Variants in TTC39B observed in about 807,000 individuals in gnomAD.
The protein encoded by TTC39B is tetratricopeptide repeat protein 39B.
Under a neutral mutation model 96.6 loss-of-function variants are expected in TTC39B, and 92 were observed. That is an observed-to-expected ratio of 0.95 (90% confidence interval 0.80 to 1.13). The LOEUF (loss-of-function observed/expected upper bound fraction) is 1.13. Ranked by LOEUF, TTC39B falls within the 50% of genes most tolerant of loss-of-function variation. The pLI, the probability that TTC39B is intolerant of heterozygous loss-of-function variation, is 0.00. For synonymous variants in TTC39B, 367 were observed against 299.4 expected, an observed-to-expected ratio of 1.23 and a Z score of -2.33; for missense variants, 955 against 809.3, an observed-to-expected ratio of 1.18 and a Z score of -2.18.
chr9:15,167,012 ATATATATATATATATATTTTTTTT>A (rs1194006187), exon 20 of TTC39B: 2 of 6,330 alleles, frequency 3.2e-4, no homozygotes, highest in Non-Finnish European at 5.3e-4. Flanking sequence ...ATATATATAT[ATATATATATATATATATTTTTTTT>A]TTTTTTTTTT....
At chr9:15,208,165 T>C (rs996946717) in intron 6 of TTC39B, among the ~76,000 whole-genome samples, 14 of 151,228 alleles carry the variant, frequency 9.3e-5, no homozygotes, top group African/African-American at 3.2e-4. Context: ...GCTGGGACTA[T>C]AGGTGTGCGC....
At chr9:15,271,239 G>C (rs1461361350) in intron 1 of TTC39B, among the ~76,000 whole-genome samples, 3 of 152,178 alleles carry the variant, frequency 2.0e-5, no homozygotes, top group East Asian at 1.9e-4. Context: ...CTCTAGAAGA[G>C]TGTATTTGTG....
At chr9:15,274,366 G>A (rs968055279) in intron 1 of TTC39B, among the ~76,000 whole-genome samples, 24 of 152,058 alleles carry the variant, frequency 1.6e-4, no homozygotes, top group African/African-American at 5.6e-4. Flanking sequence ...AAATCCCAAG[G>A]ACTACCAACT....
rs949519318 is a variant in TTC39B at position 15,257,936 on chromosome 9, G to A, written c.275+9978C>T. 8.5e-5 allele frequency among the ~76,000 whole-genome samples: 13 copies of A among 152,178 alleles called. No homozygotes were observed. The East Asian group carries it at 2.3e-3, about 27-fold the overall frequency. ...TAGCCGGGCACGGTGGCGGGCGCCT[G>A]TAATCCCAGCTACTCAGGAAGGCTG... On this transcript the variant is annotated intron_variant, in intron 2 of 19. Transcript: ENST00000512701.
rs949352654 is a variant in TTC39B, at chr9:15,306,920, C to T, written c.240+164G>A. Among the ~76,000 whole-genome samples the T allele has an allele frequency of 1.3e-5, 2 of 152,024 alleles. No individual in the cohort carries two copies. The highest frequency in any genetic ancestry group is 4.8e-5 in the African/African-American group (2 of 41,406). Reference sequence around the variant, plus strand: ...GGGACCCTCCTAGCTCCAGCGGGGACAGACCTACCAAGGCCGGGCGCCCCC... The same window carrying T: ...GGGACCCTCCTAGCTCCAGCGGGGATAGACCTACCAAGGCCGGGCGCCCCC... On this transcript the variant is annotated intron_variant, in intron 1 of 19. Coordinates refer to ENST00000512701, the Ensembl canonical transcript of TTC39B. This position sits in a 1 kb window ranked among gnomAD's most constrained non-coding sequence, Gnocchi z 5.1.
chr9:15,293,727 C>G (rs891978153), intron 1 of TTC39B, among the ~76,000 whole-genome samples: 1 of 152,224 alleles, frequency 6.6e-6, no homozygotes, highest in Non-Finnish European at 1.5e-5. Flanking sequence ...AAGCTGCCTC[C>G]TTACATATTT....
At chr9:15,251,731 A>ATATATGTATG (rs1563764612) in intron 2 of TTC39B, among the ~76,000 whole-genome samples, 10 of 126,936 alleles carry the variant, frequency 7.9e-5, no homozygotes, top group African/African-American at 3.2e-4. Flanking sequence ...ATATATATAT[A>ATATATGTATG]TATATGTAGT....
intron 3 of TTC39B, among the ~76,000 whole-genome samples, chr9:15,217,156 G>C (rs144886522): frequency 2.0e-3 from 305 of 152,336 alleles, no homozygotes; most frequent in African/African-American, 7.0e-3. Context: ...CATAGTGGCA[G>C]AGAGGATGTA....
intron 2 of TTC39B, 116 bp downstream of exon 2, chr9:15,267,798 T>G: frequency 1.2e-6 from 1 of 819,534 alleles, no homozygotes; most frequent in Non-Finnish European, 1.9e-6. Flanking sequence ...GACTTTTTTT[T>G]TCTGAAAATA....
chr9:15,292,528 A>G (rs1340606536), intron 1 of TTC39B, among the ~76,000 whole-genome samples: 3 of 152,138 alleles, frequency 2.0e-5, no homozygotes, highest in African/African-American at 7.2e-5. Flanking sequence ...CCTTCTACCT[A>G]TTAAAAAAAG....
At chr9:15,281,196 C>A (rs1823748932) in intron 1 of TTC39B, among the ~76,000 whole-genome samples, 1 of 151,964 alleles carries the variant, frequency 6.6e-6, no homozygotes, top group African/African-American at 2.4e-5. Context: ...ACAACAACAA[C>A]AAAAACCCAC....
At chr9:15,262,121 T>C (rs1822968796) in intron 2 of TTC39B, among the ~76,000 whole-genome samples, 1 of 152,130 alleles carries the variant, frequency 6.6e-6, no homozygotes, top group African/African-American at 2.4e-5. Flanking sequence ...TTTTTTGAGA[T>C]GGAGTCTTGC....
chr9:15,164,351 G>C (rs940172838), exon 20 of TTC39B: 1 of 152,142 alleles, frequency 6.6e-6, no homozygotes, highest in Non-Finnish European at 1.5e-5. Flanking sequence ...AGTTTACAAA[G>C]TGCTATGGAC....
At chr9:15,295,119 A>G (rs1237375997) in intron 1 of TTC39B, among the ~76,000 whole-genome samples, 2 of 152,212 alleles carry the variant, frequency 1.3e-5, no homozygotes, top group Non-Finnish European at 1.5e-5. Flanking sequence ...GGCTTACAAT[A>G]CATTACAAAC....
chr9:15,306,000 T>C (rs940206047), intron 1 of TTC39B, among the ~76,000 whole-genome samples: 13 of 152,002 alleles, frequency 8.6e-5, no homozygotes, highest in Admixed American at 7.9e-4. Flanking sequence ...TGTAGTTCAG[T>C]TTTTGTTTTT....
exon 20 of TTC39B, chr9:15,170,111 G>T (rs544153181): frequency 1.0e-5 from 1 of 98,210 alleles, no homozygotes; most frequent in East Asian, 3.6e-4. Context: ...TAATTATAAT[G>T]ACAGTTAATT....
chr9:15,239,096 C>A, intron 2 of TTC39B, among the ~76,000 whole-genome samples: 1 of 151,512 alleles, frequency 6.6e-6, no homozygotes, highest in East Asian at 1.9e-4. Context: ...AAAAACTGGG[C>A]AAAAGGCCTG....
At chr9:15,204,367 A>G (rs1011504390) in intron 6 of TTC39B, among the ~76,000 whole-genome samples, 2 of 152,016 alleles carry the variant, frequency 1.3e-5, no homozygotes, top group African/African-American at 4.8e-5. Context: ...CATCTCTACT[A>G]AAAATACAAA....
At chr9:15,200,472 T>C (rs1234539798) in intron 7 of TTC39B, among the ~76,000 whole-genome samples, 3 of 152,250 alleles carry the variant, frequency 2.0e-5, no homozygotes, top group Non-Finnish European at 4.4e-5. Flanking sequence ...CTACACAATT[T>C]TGTTTTAGGA....
Sources: allele counts gnomAD v4.1 joint callset (sites outside exome capture counted in the v4.1 genomes callset), GRCh38; gene constraint gnomAD v4.1.1; non-coding constraint Gnocchi (gnomAD v3.1); transcripts MANE v1.5; gene names NCBI Gene and HGNC (gene_info 2026-07-23, HGNC 2026-07-21).